KCNH5: variants seen among roughly 807,000 people sequenced by gnomAD.
The protein encoded by KCNH5 is voltage-gated delayed rectifier potassium channel KCNH5.
A neutral mutation model predicts 96.1 loss-of-function variants in KCNH5; 46 were observed. That is an observed-to-expected ratio of 0.48 (90% CI 0.38 to 0.61). The LOEUF is 0.61. KCNH5 is among the 20% of genes least tolerant of loss of function. The pLI, the probability that KCNH5 is intolerant of heterozygous loss-of-function variation, is 0.00. For synonymous variants in KCNH5, 439 were observed against 449.8 expected (o/e 0.98, Z 0.30); for missense variants, 907 against 1,225.8 (o/e 0.74, Z 3.88).
At chr14:62,857,203 A>C (rs1286848158) in intron 7 of KCNH5, among the ~76,000 whole-genome samples, 2 of 152,186 alleles carry the variant, frequency 1.3e-5, no homozygotes, top group Non-Finnish European at 2.9e-5. Context: ...TTAATCACAA[A>C]CCTGCATTAA....
At chr14:62,848,984 A>T (rs1887752245) in intron 8 of KCNH5, among the ~76,000 whole-genome samples, 2 of 152,174 alleles carry the variant, frequency 1.3e-5, no homozygotes, top group African/African-American at 2.4e-5. Context: ...AGGATTTTTT[A>T]AAATTTGGTT....
intron 6 of KCNH5, among the ~76,000 whole-genome samples, chr14:62,950,991 A>C (rs1315679720): frequency 2.0e-5 from 3 of 152,180 alleles, no homozygotes; most frequent in African/African-American, 7.2e-5. Flanking sequence ...TTATTTTATG[A>C]TAGCTACAAA....
intron 7 of KCNH5, among the ~76,000 whole-genome samples, chr14:62,889,971 A>G (rs997663127): frequency 1.1e-4 from 17 of 152,246 alleles, no homozygotes; most frequent in African/African-American, 3.9e-4. Context: ...GACAAAAACA[A>G]GCAATGGGGA....
chr14:62,853,464 T>TATATATG lies in KCNH5; in HGVS notation c.1370-3613_1370-3612insCATATAT, dbSNP rs200371791. Among the ~76,000 whole-genome samples, 178 of 122,818 alleles carry TATATATG rather than the reference T, an allele frequency of 1.4e-3. 1 individual carries two copies. Among genetic ancestry groups the TATATATG allele is most frequent in the African/African-American group, 5.1e-3 (160 of 31,358 alleles). 80.6% of individuals were successfully genotyped at this position (122,818 alleles called of 152,430 possible). On this transcript the variant is annotated intron_variant, in intron 7 of 10. Transcript: ENST00000322893. ...CAAACAAAAAGAATAATCATATATA[T>TATATATG]ATATATATATATATATCATATATAT...
At chr14:62,737,844 T>A (rs1885191102) in intron 10 of KCNH5, among the ~76,000 whole-genome samples, 1 of 152,108 alleles carries the variant, frequency 6.6e-6, no homozygotes, top group Non-Finnish European at 1.5e-5. Flanking sequence ...CTAAAAATAC[T>A]TTTATATATA....
rs1891898760 is a variant in KCNH5 at position 63,045,099 on chromosome 14, T to C, written c.73+15A>G. The C allele has an allele frequency of 6.2e-7, 1 of 1,609,870 alleles. No individual in the cohort carries two copies. The highest frequency in any genetic ancestry group is 8.5e-7 in the Non-Finnish European group (1 of 1,176,464). ...GGATGGAGGTGGGGGTGTTCTGAAC[T>C]ACAACTCTCCTTACCACTGGAGCGC... is the stretch of plus-strand genomic sequence containing the variant. On this transcript the variant is annotated intron_variant, in intron 1 of 10. Coordinates refer to ENST00000322893, the MANE Select transcript of KCNH5 (RefSeq NM_139318.5).
intron 10 of KCNH5, among the ~76,000 whole-genome samples, chr14:62,728,459 A>G (rs1323269418): frequency 6.6e-6 from 1 of 152,026 alleles, no homozygotes; most frequent in Non-Finnish European, 1.5e-5. Context: ...ATGTTCTGGT[A>G]TTGTTTTTAT....
chr14:62,782,788 A>C (rs539499203), intron 9 of KCNH5, among the ~76,000 whole-genome samples: 3 of 152,048 alleles, frequency 2.0e-5, no homozygotes, highest in Non-Finnish European at 4.4e-5. Context: ...TCCAGCCTGG[A>C]TGACAGAGTG....
chr14:62,860,000 C>T (rs908488287), intron 7 of KCNH5, among the ~76,000 whole-genome samples: 1 of 152,156 alleles, frequency 6.6e-6, no homozygotes, highest in Non-Finnish European at 1.5e-5. Flanking sequence ...TTGCTTGAGT[C>T]GGATCACATA....
intron 8 of KCNH5, among the ~76,000 whole-genome samples, chr14:62,825,785 T>G (rs1030087881): frequency 7.9e-5 from 12 of 152,002 alleles, no homozygotes; most frequent in Non-Finnish European, 1.5e-4. Context: ...CTTTCTCTCT[T>G]ACTTTGTCTC....
chr14:62,717,704 G>A (rs1039458097), intron 10 of KCNH5, among the ~76,000 whole-genome samples: 3 of 152,192 alleles, frequency 2.0e-5, no homozygotes, highest in Non-Finnish European at 4.4e-5. Context: ...AGAAAGCAAA[G>A]GTGTAAATTT....
intron 10 of KCNH5, among the ~76,000 whole-genome samples, chr14:62,738,441 C>T (rs1885203845): frequency 1.3e-5 from 2 of 152,192 alleles, no homozygotes; most frequent in African/African-American, 2.4e-5. Flanking sequence ...CTGGGTGCCT[C>T]AAAGAGCTCA....
At chr14:62,882,637 G>A (rs1004780876) in intron 7 of KCNH5, among the ~76,000 whole-genome samples, 4 of 152,224 alleles carry the variant, frequency 2.6e-5, no homozygotes, top group Middle Eastern at 3.4e-3. Context: ...TACAATAATC[G>A]CTTTACAACA....
Position 62,779,909 on chromosome 14 carries a change from A to C in KCNH5, c.1838T>G (p.Phe613Cys). The C allele has an allele frequency of 6.2e-7, 1 of 1,612,968 alleles. No homozygotes were observed. The highest frequency in any genetic ancestry group is 1.1e-5 in the South Asian group (1 of 90,868). Residue 613 changes from phenylalanine (F) to cysteine (C), a missense_variant, in exon 10 of 11, where the codon TTT (phenylalanine) becomes TGT (cysteine). Phe to Cys is a radical substitution (Grantham distance 205, BLOSUM62 -2). Around this residue, in one of 6 missense-constraint regions of KCNH5, gnomAD observed 57 missense variants for 76.0 expected, o/e 0.75. Coordinates refer to ENST00000322893, the MANE Select transcript of KCNH5 (RefSeq NM_139318.5). ...GGTTTCCTTCCAGAAGATGTCTCCA[A>C]ATACATCACCCTTCCCTAGAAAACA... Reference protein sequence around the residue: ...VVAILGKGDVFGDIFWKETTL... With the variant: ...VVAILGKGDVCGDIFWKETTL...
At chr14:62,855,892 C>T (rs1358589509) in intron 7 of KCNH5, among the ~76,000 whole-genome samples, 1 of 151,974 alleles carries the variant, frequency 6.6e-6, no homozygotes, top group Non-Finnish European at 1.5e-5. Context: ...CTATTATATG[C>T]CAGCCACTAT....
intron 7 of KCNH5, chr14:62,949,861 C>A: frequency 4.6e-6 from 1 of 216,826 alleles, no homozygotes; most frequent in Non-Finnish European, 8.8e-6. Flanking sequence ...ATGTGCGAAA[C>A]GCCACCTCTC....
intron 10 of KCNH5, among the ~76,000 whole-genome samples, chr14:62,754,547 G>T (rs1439996424): frequency 6.6e-6 from 1 of 151,616 alleles, no homozygotes; most frequent in African/African-American, 2.4e-5. Context: ...AAAAATAAGG[G>T]ATAGAAAATG....
chr14:62,721,844 A>C (rs1178661673), intron 10 of KCNH5, among the ~76,000 whole-genome samples: 1 of 152,206 alleles, frequency 6.6e-6, no homozygotes, highest in Non-Finnish European at 1.5e-5. Flanking sequence ...ACAGGTAGAA[A>C]ATATACCAAA....
rs35441090 is a variant in KCNH5 at position 62,852,594 on chromosome 14, C to CT, written c.1370-2743dup. Among the ~76,000 whole-genome samples the CT allele has an allele frequency of 7.0e-4, 103 of 147,798 alleles. 1 individual carries two copies. Among genetic ancestry groups the CT allele is most frequent in the East Asian group, 3.6e-3 (18 of 5,050 alleles). On this transcript the variant is annotated intron_variant, in intron 7 of 10. Coordinates refer to ENST00000322893, the MANE Select transcript of KCNH5 (RefSeq NM_139318.5). ...CAGTACAATTAACCAAACTAGAGAG[C>CT]TTTTTTTTTTTGGCCAGTTTTTCTT...
Sources: gnomAD v4.1 joint callset for allele counts (sites outside exome capture counted in the v4.1 genomes callset) on GRCh38, gnomAD v4.1.1 for gene constraint, gnomAD v4.1.1 regional missense constraint, MANE v1.5 for transcripts, NCBI Gene and HGNC (gene_info 2026-07-23, HGNC 2026-07-21) for gene names.